Variants in RAP1GAP2 observed in about 807,000 individuals in gnomAD.
RAP1GAP2 encodes RAP1 GTPase activating protein 2, also known as rap1 GTPase-activating protein 2.
A neutral mutation model predicts 95.0 loss-of-function variants in RAP1GAP2; 27 were observed. That is an observed-to-expected ratio of 0.28 (90% confidence interval 0.21 to 0.39). The LOEUF (loss-of-function observed/expected upper bound fraction) is 0.39, where lower values mean the gene tolerates loss of function less well. Ranked by LOEUF, RAP1GAP2 falls within the 10% of genes least tolerant of loss-of-function variation. The probability of loss-of-function intolerance (pLI) is 1.00; values close to 1 mark genes in which losing one functional copy is unlikely to be tolerated. For synonymous variants in RAP1GAP2, 373 were observed against 380.9 expected, an observed-to-expected ratio of 0.98 and a Z score of 0.24; for missense variants, 771 against 970.0, an observed-to-expected ratio of 0.79 and a Z score of 2.72.
Position 3,029,077 on chromosome 17 carries a change from C to T in RAP1GAP2, c.2108-1845C>T, listed in dbSNP as rs1489122634. The stretch of plus-strand genomic sequence containing the variant: ...CCTCCCAAAGTGCTGGGATTACAGG[C>T]GTGAGCCACCGCGCCTGACCTGGTG... On this transcript the variant is annotated intron_variant, in intron 22 of 24. Coordinates refer to ENST00000254695, the MANE Select transcript of RAP1GAP2 (RefSeq NM_015085.5). The surrounding 1 kb of genome is among the most constrained non-coding windows in gnomAD (Gnocchi z 4.4). 6.6e-6 allele frequency among the ~76,000 whole-genome samples: 1 copy of T among 152,196 alleles called. No individual in the cohort carries two copies. Among genetic ancestry groups the T allele is most frequent in the Non-Finnish European group, 1.5e-5 (1 of 68,032 alleles).
intron 1 of RAP1GAP2, among the ~76,000 whole-genome samples, chr17:2,763,970 C>T (rs916541750): frequency 6.6e-6 from 1 of 151,980 alleles, no homozygotes; most frequent in Non-Finnish European, 1.5e-5. Context: ...GGTCTGTCAG[C>T]CCGGGAGAGA....
intron 19 of RAP1GAP2, among the ~76,000 whole-genome samples, chr17:3,024,690 A>G (rs569433586): frequency 2.6e-5 from 4 of 152,392 alleles, no homozygotes; most frequent in South Asian, 2.1e-4. Context: ...GAATGGATAA[A>G]CAAAGCGCCA....
At chr17:2,832,542 A>G (rs531501625) in intron 2 of RAP1GAP2, among the ~76,000 whole-genome samples, 4 of 140,894 alleles carry the variant, frequency 2.8e-5, no homozygotes, top group African/African-American at 8.0e-5. Flanking sequence ...TGGGCGACAG[A>G]GCGAGACTCC....
At chr17:2,814,075 A>G (rs73308062) in intron 2 of RAP1GAP2, among the ~76,000 whole-genome samples, 1,616 of 152,286 alleles carry the variant, frequency 0.011, 37 homozygotes, top group African/African-American at 0.037. Context: ...TTCTAGGCCT[A>G]GTAGGTTCAC....
chr17:2,826,570 GC>G (rs1425001842), intron 2 of RAP1GAP2, among the ~76,000 whole-genome samples: 1 of 151,956 alleles, frequency 6.6e-6, no homozygotes, highest in Non-Finnish European at 1.5e-5. Context: ...GGGATGGATT[GC>G]GGAAGGGAGG....
At chr17:2,874,401 A>C (rs555396127) in intron 2 of RAP1GAP2, among the ~76,000 whole-genome samples, 10 of 152,224 alleles carry the variant, frequency 6.6e-5, no homozygotes, top group African/African-American at 2.4e-4. Context: ...GTGGAGAGTT[A>C]AGCTTTTAGG....
chr17:2,850,606 C>T (rs1402259808), intron 2 of RAP1GAP2, among the ~76,000 whole-genome samples: 3 of 149,668 alleles, frequency 2.0e-5, no homozygotes, highest in East Asian at 4.1e-4. Flanking sequence ...AAAAACTAGC[C>T]GGGCATGGTG....
At chr17:2,905,473 G>C in intron 3 of RAP1GAP2, 105 bp downstream of exon 3, 1 of 1,120,616 alleles carries the variant, frequency 8.9e-7, no homozygotes. Context: ...TCGCAGTGGG[G>C]CTGTGGAGTG....
chr17:3,027,653 C>A lies in RAP1GAP2; in HGVS notation c.2107+583C>A, dbSNP rs991058093. 6.6e-6 allele frequency among the ~76,000 whole-genome samples: 1 copy of A among 152,012 alleles called. No individual in the cohort carries two copies. The highest frequency in any genetic ancestry group is 2.4e-5 in the African/African-American group (1 of 41,366). ...CCGGGTGAGGATTTTGTTCTGCTAG[C>A]GGCCACTGTTGGAGTGTTTGAAGGT... On this transcript the variant is annotated intron_variant, in intron 22 of 24. Transcript: ENST00000254695. This position sits in a 1 kb window ranked among gnomAD's most constrained non-coding sequence, Gnocchi z 5.2.
intron 2 of RAP1GAP2, among the ~76,000 whole-genome samples, chr17:2,861,373 A>G (rs1208837879): frequency 6.6e-6 from 1 of 151,950 alleles, no homozygotes; most frequent in Non-Finnish European, 1.5e-5. Flanking sequence ...CATTGCCCAG[A>G]ATAGGAGATG....
chr17:2,955,978 T>C (rs8077217), intron 3 of RAP1GAP2, among the ~76,000 whole-genome samples: 150,986 of 152,372 alleles, frequency 0.99, 74,901 homozygotes, highest in Middle Eastern at 1. Context: ...TGTTAGAGGA[T>C]GGATTGTTAG....
At chr17:2,959,051 T>G (rs1309735491) in intron 4 of RAP1GAP2, among the ~76,000 whole-genome samples, 1 of 152,190 alleles carries the variant, frequency 6.6e-6, no homozygotes, top group Admixed American at 6.5e-5. Flanking sequence ...TATAATCAAG[T>G]GCTCCATTGC....
intron 3 of RAP1GAP2, among the ~76,000 whole-genome samples, chr17:2,920,680 C>T (rs924527078): frequency 1.3e-5 from 2 of 152,340 alleles, no homozygotes; most frequent in Non-Finnish European, 2.9e-5. Context: ...TCGTCAAGTG[C>T]CAGGCTTCTG....
At chr17:2,808,025 G>A (rs930181473) in intron 2 of RAP1GAP2, among the ~76,000 whole-genome samples, 2 of 152,210 alleles carry the variant, frequency 1.3e-5, no homozygotes, top group African/African-American at 2.4e-5. Flanking sequence ...CTGTTTGGAG[G>A]TGGTAACCTG....
At chr17:3,016,156 C>A (rs1488049007) in intron 17 of RAP1GAP2, among the ~76,000 whole-genome samples, 1 of 152,238 alleles carries the variant, frequency 6.6e-6, no homozygotes, top group Non-Finnish European at 1.5e-5. Flanking sequence ...CTTTGTCCCT[C>A]AGGCTTGGCC....
chr17:2,844,219 G>T (rs1033347450), intron 2 of RAP1GAP2, among the ~76,000 whole-genome samples: 1 of 151,828 alleles, frequency 6.6e-6, no homozygotes, highest in Non-Finnish European at 1.5e-5. Flanking sequence ...ATGGTGTTTC[G>T]CCATTTTAAC....
chr17:3,018,655 C>T (rs1366553128), intron 18 of RAP1GAP2, among the ~76,000 whole-genome samples: 1 of 152,184 alleles, frequency 6.6e-6, no homozygotes, highest in African/African-American at 2.4e-5. Context: ...ATCTCACCTG[C>T]TTCCCATAGC....
intron 10 of RAP1GAP2, among the ~76,000 whole-genome samples, chr17:2,982,790 C>G (rs1597793562): frequency 6.6e-6 from 1 of 151,862 alleles, no homozygotes; most frequent in Admixed American, 6.6e-5. Flanking sequence ...GCAGAGTTCT[C>G]TCTATCCCTT....
chr17:2,796,656 C>A lies in RAP1GAP2; in HGVS notation c.44+85C>A. The A allele has an allele frequency of 6.8e-7, 1 of 1,464,096 alleles. No homozygotes were observed. The highest frequency in any genetic ancestry group is 9.4e-7 in the Non-Finnish European group (1 of 1,067,948). The allele number at this position is 1,464,096 out of a possible 1,614,324, so 90.7% of individuals were successfully genotyped here. On this transcript the variant is annotated intron_variant, in intron 1 of 24. Transcript: ENST00000254695. The surrounding 1 kb of genome is among the most constrained non-coding windows in gnomAD (Gnocchi z 4.7). ...TTAAGTGCATTGGCGGCCGTGGGAA[C>A]AGAGGGGCTCGGGCTGTGCCTGAGA...
Sources: allele counts gnomAD v4.1 joint callset (sites outside exome capture counted in the v4.1 genomes callset), GRCh38; gene constraint gnomAD v4.1.1; non-coding constraint Gnocchi (gnomAD v3.1); transcripts MANE v1.5; gene names NCBI Gene and HGNC (gene_info 2026-07-23, HGNC 2026-07-21).